The following SLC12A3 variants were observed in gnomAD, a reference collection of about 807,000 sequenced individuals.
SLC12A3 encodes Na-Cl cotransporter.
In SLC12A3, 104 loss-of-function variants were observed where a neutral mutation model predicts 121.0. The ratio of observed to expected loss-of-function variants is 0.86; its 90% confidence interval spans 0.73 to 1.01. The LOEUF is 1.01. Among genes scored for constraint, SLC12A3 ranks in the 50% least tolerant of loss-of-function variants. The probability of loss-of-function intolerance (pLI) is 0.00; values close to 1 mark genes in which losing one functional copy is unlikely to be tolerated. For synonymous variants in SLC12A3, 536 were observed against 533.4 expected, an observed-to-expected ratio of 1.00 and a Z score of -0.07; for missense variants, 1,328 against 1,356.3, an observed-to-expected ratio of 0.98 and a Z score of 0.33.
At chr16:56,890,500 T>C (rs1489598275) in intron 19 of SLC12A3, 144 bp downstream of exon 19, 29 of 713,876 alleles carry the variant, frequency 4.1e-5, no homozygotes, top group Non-Finnish European at 1.5e-5. Context: ...CCCATCAGTT[T>C]TCCCAGAAAG....
chr16:56,895,775 A>G (rs2055454495), intron 22 of SLC12A3, among the ~76,000 whole-genome samples: 2 of 152,104 alleles, frequency 1.3e-5, no homozygotes, highest in South Asian at 2.1e-4. Context: ...ATGGTAACAT[A>G]TAATTTAAAA....
chr16:56,878,178 G>C lies in SLC12A3; in HGVS notation c.1180+17G>C. ...CCACCATTGGTAAGTGGCCGGCCCAGCCAGTCAGGAGGGGGAGGGACCTGG... is the reference window on the plus strand; with the variant it reads ...CCACCATTGGTAAGTGGCCGGCCCACCCAGTCAGGAGGGGGAGGGACCTGG... On this transcript the variant is annotated intron_variant, in intron 9 of 25. Transcript: ENST00000563236. 6 of 1,598,840 alleles carry C rather than the reference G, an allele frequency of 3.8e-6. No homozygotes were observed. Among genetic ancestry groups the C allele is most frequent in the Non-Finnish European group, 5.1e-6 (6 of 1,168,732 alleles).
intron 11 of SLC12A3, 29 bp downstream of exon 11, chr16:56,879,678 C>A: frequency 6.4e-7 from 1 of 1,553,770 alleles, no homozygotes; most frequent in Non-Finnish European, 8.9e-7. Flanking sequence ...GTCGAGATGA[C>A]AGGGGGTGGG....
chr16:56,876,426 G>A (rs547450395), intron 8 of SLC12A3, among the ~76,000 whole-genome samples: 2 of 152,338 alleles, frequency 1.3e-5, no homozygotes, highest in Non-Finnish European at 2.9e-5. Context: ...GCATGGCCCA[G>A]TTGAGTCAAA....
chr16:56,893,953 T>G (rs1354009760), intron 21 of SLC12A3, among the ~76,000 whole-genome samples: 2 of 122,366 alleles, frequency 1.6e-5, no homozygotes, highest in Non-Finnish European at 3.6e-5. Flanking sequence ...AATTTTTGTA[T>G]TTTTATTTTT....
chr16:56,889,431 G>GT (rs1446572147), intron 18 of SLC12A3, among the ~76,000 whole-genome samples: 1 of 152,200 alleles, frequency 6.6e-6, no homozygotes, highest in Non-Finnish European at 1.5e-5. Flanking sequence ...CAATCAGGCA[G>GT]TACATACACC....
At chr16:56,882,536 A>AG (rs1301069874) in intron 13 of SLC12A3, 39 bp downstream of exon 13, 1 of 1,489,198 alleles carries the variant, frequency 6.7e-7, no homozygotes, top group South Asian at 1.1e-5. Flanking sequence ...GGAGGCACCC[A>AG]GGGGGCAGGA....
chr16:56,894,847 G>A (rs1394543199), intron 22 of SLC12A3, among the ~76,000 whole-genome samples: 1 of 152,142 alleles, frequency 6.6e-6, no homozygotes, highest in Non-Finnish European at 1.5e-5. Context: ...AGTTGTTCTG[G>A]TTTCCTGCCC....
At chr16:56,881,909 C>T (rs146961851) in intron 12 of SLC12A3, among the ~76,000 whole-genome samples, 2,040 of 151,812 alleles carry the variant, frequency 0.013, 35 homozygotes, top group African/African-American at 0.045. Context: ...ATTAGCTGGG[C>T]GTGGTGGTGC....
At chr16:56,901,347 C>CTCTTTTTTTTTTTTT (rs1555502273) in intron 23 of SLC12A3, among the ~76,000 whole-genome samples, 3 of 128,904 alleles carry the variant, frequency 2.3e-5, no homozygotes, top group African/African-American at 6.5e-5. Flanking sequence ...CTCTCTCTCT[C>CTCTTTTTTTTTTTTT]TTTTTTTTTT....
In SLC12A3 at chr16:56,912,657, G is replaced by C. The variant is rs192980819; in HGVS notation, c.2925-607G>C. On this transcript the variant is annotated intron_variant, in intron 25 of 25. Coordinates refer to ENST00000563236, the MANE Select transcript of SLC12A3 (RefSeq NM_001126108.2). ...CTGTGTTCTAGGCACTGGGAAAAGG[G>C]GGGTGAATAAGGCAGATCTGGCCTC... Among the ~76,000 whole-genome samples the C allele has an allele frequency of 1.1e-4, 17 of 152,338 alleles. No individual in the cohort carries two copies. In the East Asian group the frequency reaches 2.9e-3, roughly 26 times the overall value.
intron 25 of SLC12A3, 54 bp from the exon 26 acceptor site, chr16:56,913,210 G>T (rs748679263): frequency 1.2e-6 from 2 of 1,612,326 alleles, no homozygotes; most frequent in African/African-American, 1.3e-5. Context: ...GGAGCTGGGC[G>T]TGTGGAGCGG....
At chr16:56,901,671 A>AG (rs1333779738) in intron 23 of SLC12A3, among the ~76,000 whole-genome samples, 2 of 148,436 alleles carry the variant, frequency 1.3e-5, no homozygotes, top group African/African-American at 5.0e-5. Flanking sequence ...TAATGATGTG[A>AG]GTCACATCGC....
At chr16:56,898,058 C>G (rs1416128514) in intron 22 of SLC12A3, among the ~76,000 whole-genome samples, 1 of 152,178 alleles carries the variant, frequency 6.6e-6, no homozygotes, top group Non-Finnish European at 1.5e-5. Flanking sequence ...CCTGTTCCAC[C>G]CCCCTGCACC....
intron 13 of SLC12A3, 25 bp from the exon 14 acceptor site, chr16:56,884,024 C>T: frequency 6.2e-7 from 1 of 1,613,754 alleles, no homozygotes; most frequent in African/African-American, 1.3e-5. Flanking sequence ...CCAGGCATGC[C>T]CACTGACTGG....
intron 24 of SLC12A3, among the ~76,000 whole-genome samples, chr16:56,903,811 A>G (rs1321011538): frequency 1.3e-5 from 2 of 152,132 alleles, no homozygotes; most frequent in African/African-American, 4.8e-5. Flanking sequence ...CCCTGCCCCA[A>G]AGGGCCCATG....
chr16:56,882,024 G>A (rs112589566), intron 12 of SLC12A3, among the ~76,000 whole-genome samples: 16,366 of 150,326 alleles, frequency 0.11, 1,011 homozygotes, highest in East Asian at 0.23. Context: ...ACTCCAGCCT[G>A]GGTGACAGAG....
chr16:56,874,372 C>G (rs1444746401), intron 8 of SLC12A3, among the ~76,000 whole-genome samples: 1 of 152,164 alleles, frequency 6.6e-6, no homozygotes, highest in Non-Finnish European at 1.5e-5. Context: ...AACCTTTGCT[C>G]AAGGGAGGTG....
rs1397391908 is a variant in SLC12A3 at position 56,870,660 on chromosome 16, A to T, written c.776A>T (p.Asp259Val). The change falls in exon 6 of 26, where the codon GAC becomes GTC. Residue 259 changes from aspartate to valine, a missense_variant. Asp to Val is a radical substitution (Grantham distance 152). Transcript: ENST00000563236. ...YGAPIVDPINDIRIIAVVSVT... is the reference protein window; with the variant it reads ...YGAPIVDPINVIRIIAVVSVT... Reference sequence around the variant, plus strand: ...GCACCCATCGTGGACCCCATTAACGACATCCGCATCATTGCCGTGGTCTCG... The same window carrying T: ...GCACCCATCGTGGACCCCATTAACGTCATCCGCATCATTGCCGTGGTCTCG... The T allele has an allele frequency of 6.2e-7, 1 of 1,613,746 alleles. No individual in the cohort carries two copies. The highest frequency in any genetic ancestry group is 8.5e-7 in the Non-Finnish European group (1 of 1,179,672).
Sources: gnomAD v4.1 joint callset for allele counts (sites outside exome capture counted in the v4.1 genomes callset) on GRCh38, gnomAD v4.1.1 for gene constraint, MANE v1.5 for transcripts, NCBI Gene and HGNC (gene_info 2026-07-23, HGNC 2026-07-21) for gene names.